ATP8B4: variants seen among roughly 807,000 people sequenced by gnomAD.
The protein encoded by ATP8B4 is ATPase phospholipid transporting 8B4 (putative), also known as probable phospholipid-transporting ATPase IM.
Under a neutral mutation model 145.6 loss-of-function variants are expected in ATP8B4, and 133 were observed. That is an observed-to-expected ratio of 0.91 (90% CI 0.79 to 1.05). ATP8B4 has a LOEUF of 1.05. Among genes scored for constraint, ATP8B4 ranks in the 50% least tolerant of loss-of-function variants. The pLI is 0.00. For missense variants in ATP8B4, 1,458 were observed against 1,425.2 expected (o/e 1.02, Z -0.37); for synonymous variants, 507 against 492.9 (o/e 1.03, Z -0.38).
chr15:50,117,900 C>A (rs936563050), intron 1 of ATP8B4, among the ~76,000 whole-genome samples: 1 of 152,064 alleles, frequency 6.6e-6, no homozygotes, highest in Non-Finnish European at 1.5e-5. Context: ...AAGCCAGGCA[C>A]AGAAAGACAA....
At chr15:50,167,916 G>A (rs939473977) in intron 1 of ATP8B4, among the ~76,000 whole-genome samples, 5 of 152,032 alleles carry the variant, frequency 3.3e-5, no homozygotes, top group Admixed American at 6.5e-5. Flanking sequence ...GGAGGTGCTC[G>A]GTAGGCCATA....
intron 14 of ATP8B4, among the ~76,000 whole-genome samples, chr15:49,936,342 A>C (rs951948942): frequency 6.6e-6 from 1 of 152,154 alleles, no homozygotes; most frequent in Non-Finnish European, 1.5e-5. Context: ...AACATATTTC[A>C]TAAGAAAAAG....
intron 6 of ATP8B4, among the ~76,000 whole-genome samples, chr15:50,034,228 GTT>G (rs35916300): frequency 0.013 from 1,667 of 123,684 alleles, 35 homozygotes; most frequent in African/African-American, 0.045. Context: ...TCCTTTCCTT[GTT>G]TTTTTTTTTT....
chr15:50,067,851 G>A (rs574165568), intron 3 of ATP8B4, among the ~76,000 whole-genome samples: 32 of 152,160 alleles, frequency 2.1e-4, no homozygotes, highest in African/African-American at 5.3e-4. Flanking sequence ...GTACATTGCC[G>A]CAAATACTGT....
chr15:49,870,996 G>A (rs188386450), intron 25 of ATP8B4, among the ~76,000 whole-genome samples: 19 of 152,348 alleles, frequency 1.2e-4, no homozygotes, highest in Admixed American at 7.2e-4. Flanking sequence ...TGGGGACCAC[G>A]AATTCCCTGT....
At chr15:50,016,222 C>T (rs2049078078) in intron 6 of ATP8B4, among the ~76,000 whole-genome samples, 1 of 152,166 alleles carries the variant, frequency 6.6e-6, no homozygotes, top group African/African-American at 2.4e-5. Context: ...AACTGAAACC[C>T]TTGCCCAAAT....
In ATP8B4 at chr15:50,147,726, T is replaced by C. The variant is rs1044785678; in HGVS notation, c.-43+34535A>G. 4.6e-5 allele frequency among the ~76,000 whole-genome samples: 7 copies of C among 152,220 alleles called. No homozygotes were observed. The East Asian group carries it at 9.6e-4, about 21-fold the overall frequency. On this transcript the variant is annotated intron_variant, in intron 1 of 3. Transcript: ENST00000558829. ...CAATGACACAAAAGAATATATAACA[T>C]TGAATTTTTTGAAAATTGCTGAGTC...
At chr15:49,994,784 G>C (rs8029355) in intron 9 of ATP8B4, among the ~76,000 whole-genome samples, 1 of 151,862 alleles carries the variant, frequency 6.6e-6, no homozygotes, top group Admixed American at 6.6e-5. Context: ...ACATGGCCAC[G>C]ATTCTTGAAG....
intron 25 of ATP8B4, among the ~76,000 whole-genome samples, chr15:49,869,425 C>A (rs565116289): frequency 4.0e-5 from 6 of 150,712 alleles, no homozygotes; most frequent in African/African-American, 1.5e-4. Context: ...AGAAATTGGC[C>A]CAGATTATGT....
chr15:49,981,819 C>T (rs1300841780), intron 10 of ATP8B4, among the ~76,000 whole-genome samples: 8 of 152,114 alleles, frequency 5.3e-5, no homozygotes, highest in Admixed American at 6.6e-5. Context: ...GTATTGTATA[C>T]TGCACGTATG....
At chr15:49,996,553 A>T in intron 9 of ATP8B4, 124 bp downstream of exon 9, 1 of 746,744 alleles carries the variant, frequency 1.3e-6, no homozygotes, top group Admixed American at 2.5e-5. Flanking sequence ...ACAGGCTTTG[A>T]TGCCTGGAGA....
At chr15:50,006,443 C>G (rs1003138634) in intron 7 of ATP8B4, among the ~76,000 whole-genome samples, 1 of 132,972 alleles carries the variant, frequency 7.5e-6, no homozygotes, top group African/African-American at 3.0e-5. Flanking sequence ...GCAACTCTGA[C>G]GTGAAGTTAT....
At chr15:50,067,281 CT>C (rs536516008) in intron 3 of ATP8B4, among the ~76,000 whole-genome samples, 329 of 152,276 alleles carry the variant, frequency 2.2e-3, no homozygotes, top group Non-Finnish European at 3.0e-3. Flanking sequence ...TCCCTTTTCA[CT>C]TTGTGATTCC....
rs375022754 is a variant in ATP8B4 at position 50,059,357 on chromosome 15, C to T, written c.88-11893G>A. 2.6e-5 allele frequency among the ~76,000 whole-genome samples: 4 copies of T among 152,086 alleles called. No individual in the cohort carries two copies. The South Asian group carries it at 6.2e-4, about 24-fold the overall frequency. On this transcript the variant is annotated intron_variant, in intron 3 of 27. Transcript: ENST00000284509. The stretch of plus-strand genomic sequence containing the variant: ...CTGATTTGCAACTGAGCCACTTCTA[C>T]GGGAACAATTCTAAGTACCAGGCTT...
intron 25 of ATP8B4, among the ~76,000 whole-genome samples, chr15:49,875,629 T>C (rs1033350539): frequency 2.0e-5 from 3 of 152,164 alleles, no homozygotes; most frequent in African/African-American, 7.2e-5. Context: ...GCCCAGGAGC[T>C]CTAGACAAGC....
At chr15:50,002,367 T>C (rs967345510) in intron 7 of ATP8B4, 144 bp from the exon 8 acceptor site, 8 of 633,988 alleles carry the variant, frequency 1.3e-5, no homozygotes, top group African/African-American at 1.1e-4. Context: ...TCTACCTCTA[T>C]GTCATATGCC....
intron 2 of ATP8B4, among the ~76,000 whole-genome samples, chr15:50,096,923 G>A (rs943938531): frequency 6.6e-6 from 1 of 152,176 alleles, no homozygotes; most frequent in Non-Finnish European, 1.5e-5. Context: ...TGTGAAGCCA[G>A]CACTGTCTTA....
intron 25 of ATP8B4, among the ~76,000 whole-genome samples, chr15:49,874,890 A>G (rs574314929): frequency 6.6e-6 from 1 of 152,344 alleles, no homozygotes; most frequent in African/African-American, 2.4e-5. Context: ...ATGTTTTATG[A>G]GAAAAACAGC....
At chr15:49,930,574 C>T (rs768971732) in intron 16 of ATP8B4, among the ~76,000 whole-genome samples, 25 of 151,966 alleles carry the variant, frequency 1.6e-4, no homozygotes, top group Admixed American at 5.9e-4. Flanking sequence ...AGGCTGAGGA[C>T]GATGTTCACA....
Sources: allele counts gnomAD v4.1 joint callset (sites outside exome capture counted in the v4.1 genomes callset), GRCh38; gene constraint gnomAD v4.1.1; transcripts MANE v1.5; gene names NCBI Gene and HGNC (gene_info 2026-07-23, HGNC 2026-07-21).